NDST4: variants seen among roughly 807,000 people sequenced by gnomAD.
NDST4 encodes the protein N-deacetylase and N-sulfotransferase 4, also known as N-heparan sulfate sulfotransferase 4.
NDST4 carries 63 observed loss-of-function variants against 100.8 expected under a neutral mutation model. That is an observed-to-expected ratio of 0.62 (90% CI 0.51 to 0.77). The LOEUF is 0.77. NDST4 is among the 30% of genes least tolerant of loss of function. NDST4 has a pLI of 0.00. For synonymous variants in NDST4, 377 were observed against 361.8 expected (o/e 1.04, Z -0.48); for missense variants, 943 against 1,018.4 (o/e 0.93, Z 1.01).
At chr4:115,022,764 C>T (rs529545839) in intron 2 of NDST4, among the ~76,000 whole-genome samples, 2 of 152,130 alleles carry the variant, frequency 1.3e-5, no homozygotes, top group African/African-American at 4.8e-5. Flanking sequence ...CTGTGCTGGT[C>T]TCATGATCGT....
intron 2 of NDST4, among the ~76,000 whole-genome samples, chr4:114,981,966 C>T (rs1463756919): frequency 1.3e-5 from 2 of 152,142 alleles, no homozygotes; most frequent in Non-Finnish European, 2.9e-5. Context: ...CTCCCTAGTG[C>T]TGTCTCATGA....
chr4:115,015,193 A>G (rs547479344), intron 2 of NDST4, among the ~76,000 whole-genome samples: 43 of 152,218 alleles, frequency 2.8e-4, no homozygotes, highest in African/African-American at 9.6e-4. Context: ...TATGAGGACC[A>G]TGGACATTTC....
intron 2 of NDST4, among the ~76,000 whole-genome samples, chr4:115,054,951 A>G (rs749971134): frequency 2.0e-5 from 3 of 152,148 alleles, no homozygotes; most frequent in Non-Finnish European, 4.4e-5. Context: ...GTTAGCAACC[A>G]GGCCACATAG....
chr4:114,900,557 C>T (rs1724814859), intron 6 of NDST4, among the ~76,000 whole-genome samples: 1 of 151,998 alleles, frequency 6.6e-6, no homozygotes, highest in Non-Finnish European at 1.5e-5. Context: ...ACACAAATAC[C>T]AACCACTGTG....
intron 4 of NDST4, among the ~76,000 whole-genome samples, chr4:114,947,618 T>C (rs894791881): frequency 1.3e-5 from 2 of 152,140 alleles, no homozygotes; most frequent in African/African-American, 4.8e-5. Context: ...AAGAATGGTA[T>C]TATCCAGCCC....
intron 2 of NDST4, among the ~76,000 whole-genome samples, chr4:115,022,022 T>C (rs1489078245): frequency 6.6e-6 from 1 of 152,102 alleles, no homozygotes; most frequent in Non-Finnish European, 1.5e-5. Context: ...CATATCTCTA[T>C]GTTCCATATC....
At chr4:115,082,116 C>T (rs1485314184) in intron 1 of NDST4, among the ~76,000 whole-genome samples, 1 of 149,740 alleles carries the variant, frequency 6.7e-6, no homozygotes, top group African/African-American at 2.6e-5. Flanking sequence ...TGTTGATTTT[C>T]CTGTTCTCAT....
rs1729010761 is a variant in NDST4 at position 115,068,852 on chromosome 4, A to G, written c.978+7207T>C. ...AAAAAAGAAAAGAAAAAGAAAGTAA[A>G]TCAGTTATGTTACTAATTGATTCTG... On this transcript the variant is annotated intron_variant, in intron 2 of 13. Transcript: ENST00000264363. Among the ~76,000 whole-genome samples, 7 of 151,862 alleles carry G rather than the reference A, an allele frequency of 4.6e-5. No individual in the cohort carries two copies. The South Asian group carries it at 1.5e-3, about 32-fold the overall frequency.
At chr4:114,913,731 GAAAAAAAAAA>G (rs56189208) in intron 6 of NDST4, among the ~76,000 whole-genome samples, 4 of 126,000 alleles carry the variant, frequency 3.2e-5, no homozygotes, top group South Asian at 2.7e-4. Context: ...CTATCTCCAA[GAAAAAAAAAA>G]AAAAAAAAAC....
rs74338943 is a variant in NDST4, at chr4:115,037,861, A to C, written c.978+38198T>G. 1.3e-3 allele frequency among the ~76,000 whole-genome samples: 194 copies of C among 152,300 alleles called. 6 individuals carry two copies. The East Asian group carries it at 0.032, about 25-fold the overall frequency. On this transcript the variant is annotated intron_variant, in intron 2 of 13. Coordinates refer to ENST00000264363, the MANE Select transcript of NDST4 (RefSeq NM_022569.3). Reference sequence around the variant, plus strand: ...CTACACTTAAATTATAGAAGAAAAAAACTGTGAGTAAATATTTGAAAAGAG... The same window carrying C: ...CTACACTTAAATTATAGAAGAAAAACACTGTGAGTAAATATTTGAAAAGAG...
At chr4:115,053,396 C>A (rs1728625759) in intron 2 of NDST4, among the ~76,000 whole-genome samples, 1 of 152,008 alleles carries the variant, frequency 6.6e-6, no homozygotes, top group African/African-American at 2.4e-5. Flanking sequence ...TTTTCTGAAA[C>A]CTAATGCTAT....
At chr4:114,846,021 A>T (rs1723542300) in intron 9 of NDST4, 24 bp from the exon 10 acceptor site, 2 of 1,523,800 alleles carry the variant, frequency 1.3e-6, no homozygotes, top group Admixed American at 3.8e-5. Context: ...AAGACAATTA[A>T]TTAATCTGAA....
intron 5 of NDST4, among the ~76,000 whole-genome samples, chr4:114,935,999 T>C (rs1433235638): frequency 6.6e-6 from 1 of 152,074 alleles, no homozygotes; most frequent in Non-Finnish European, 1.5e-5. Context: ...GTTTTTTTTT[T>C]CAAAATTATT....
intron 6 of NDST4, among the ~76,000 whole-genome samples, chr4:114,919,803 G>A (rs965203844): frequency 7.9e-5 from 12 of 152,214 alleles, no homozygotes; most frequent in Non-Finnish European, 1.5e-4. Flanking sequence ...TTTTCTGGGA[G>A]AGAGAAAACA....
chr4:115,074,935 A>G (rs1049235397), intron 2 of NDST4, among the ~76,000 whole-genome samples: 1 of 152,192 alleles, frequency 6.6e-6, no homozygotes, highest in Non-Finnish European at 1.5e-5. Context: ...AGTTATACAT[A>G]GGATGAGACA....
intron 1 of NDST4, among the ~76,000 whole-genome samples, chr4:115,095,985 A>G (rs1729613721): frequency 6.6e-6 from 1 of 152,006 alleles, no homozygotes; most frequent in South Asian, 2.1e-4. Flanking sequence ...TAAGTCATTT[A>G]TCCTTTAACT....
Position 115,022,509 on chromosome 4 carries a change from CAT to C in NDST4, c.979-45237_979-45236del, listed in dbSNP as rs568851558. Among the ~76,000 whole-genome samples the C allele has an allele frequency of 1.4e-3, 183 of 132,170 alleles. 1 individual carries two copies. The highest frequency in any genetic ancestry group is 2.2e-3 in the African/African-American group (73 of 32,466). The allele number at this position is 132,170 out of a possible 152,430, so 86.7% of individuals were successfully genotyped here. On this transcript the variant is annotated intron_variant, in intron 2 of 13. Coordinates refer to ENST00000264363, the MANE Select transcript of NDST4 (RefSeq NM_022569.3). ...ATATGTTCCATATATATATATGTTC[CAT>C]ATATATATATATGTGATGGAATACT...
rs139617299 is a variant in NDST4 at position 115,076,927 on chromosome 4, T to C, written c.110A>G (p.Tyr37Cys). The C allele has an allele frequency of 1.7e-4, 281 of 1,613,700 alleles. No homozygotes were observed. The highest frequency in any genetic ancestry group is 9.0e-4 in the South Asian group (82 of 91,078). Residue 37 changes from tyrosine to cysteine, a missense_variant, in exon 2 of 14, where the codon TAC (tyrosine) becomes TGC (cysteine). Around this residue, in one of 2 missense-constraint regions of NDST4, gnomAD observed 417 missense variants for 384.2 expected, o/e 1.09. Coordinates refer to ENST00000264363, the MANE Select transcript of NDST4 (RefSeq NM_022569.3). ...TTCAATAAGTGTCATTTCCTGTTTG[T>C]AGCCAGAGTAGAGAAAATAGGCAGA... is the stretch of plus-strand genomic sequence containing the variant. ...VISAYFLYSGYKQEMTLIETT... is the reference protein window; with the variant it reads ...VISAYFLYSGCKQEMTLIETT...
At chr4:114,976,784 A>G (rs932194892) in intron 3 of NDST4, among the ~76,000 whole-genome samples, 1 of 151,984 alleles carries the variant, frequency 6.6e-6, no homozygotes, top group Non-Finnish European at 1.5e-5. Context: ...ATGTTTTCCA[A>G]AGGAAAATAA....
Sources: gnomAD v4.1 joint callset for allele counts (sites outside exome capture counted in the v4.1 genomes callset) on GRCh38, gnomAD v4.1.1 for gene constraint, gnomAD v4.1.1 regional missense constraint, MANE v1.5 for transcripts, NCBI Gene and HGNC (gene_info 2026-07-23, HGNC 2026-07-21) for gene names.